STXBP5: variants seen among roughly 807,000 people sequenced by gnomAD.
STXBP5 encodes the protein syntaxin binding protein 5, also known as syntaxin-binding protein 5.
In STXBP5, 50 loss-of-function variants were observed where a neutral mutation model predicts 152.4. That is an observed-to-expected ratio of 0.33 (90% confidence interval 0.26 to 0.42). STXBP5 has a LOEUF of 0.42. STXBP5 is among the 10% of genes least tolerant of loss of function. The probability of loss-of-function intolerance (pLI) is 1.00; values close to 1 mark genes in which losing one functional copy is unlikely to be tolerated. For missense variants in STXBP5, 1,167 were observed against 1,388.6 expected, an observed-to-expected ratio of 0.84 and a Z score of 2.54; for synonymous variants, 492 against 494.7, an observed-to-expected ratio of 0.99 and a Z score of 0.07.
rs530602683 is a variant in STXBP5 at position 147,293,308 on chromosome 6, G to A, written c.917+2136G>A. On this transcript the variant is annotated intron_variant, in intron 9 of 27. Coordinates refer to ENST00000321680, the MANE Select transcript of STXBP5 (RefSeq NM_001127715.4). ...TCAGTAAGATCACCATTTTGTAACA[G>A]TGTTCTCTACTTTCTCAATTTCTTT... 3 of 152,266 alleles carry A rather than the reference G, an allele frequency of 2.0e-5. No homozygotes were observed. In the South Asian group the frequency reaches 6.2e-4, roughly 32 times the overall value. The allele number at this position is 152,266 out of a possible 1,614,324, so 9.4% of individuals were successfully genotyped here.
At chr6:147,205,368 G>A (rs1776486515) in intron 1 of STXBP5, among the ~76,000 whole-genome samples, 1 of 100,270 alleles carries the variant, frequency 1.0e-5, no homozygotes, top group African/African-American at 4.4e-5. Flanking sequence ...AATTAAAAGT[G>A]TGCATATATA....
At chr6:147,264,002 C>T (rs1779766377) in intron 6 of STXBP5, among the ~76,000 whole-genome samples, 1 of 151,336 alleles carries the variant, frequency 6.6e-6, no homozygotes, top group South Asian at 2.1e-4. Context: ...ATAAAAATAC[C>T]AACTGCTCAA....
At chr6:147,381,176 T>C (rs1488557663) in intron 26 of STXBP5, among the ~76,000 whole-genome samples, 1 of 152,078 alleles carries the variant, frequency 6.6e-6, no homozygotes, top group Non-Finnish European at 1.5e-5. Context: ...TTATGGGAGC[T>C]ACAATTCAAG....
Position 147,315,699 on chromosome 6 carries a change from A to G in STXBP5, c.1587A>G (p.Arg529=), listed in dbSNP as rs749076990. Residue 529 remains arginine (R), a synonymous_variant, in exon 15 of 28, where the codon AGA becomes AGG. Coordinates refer to ENST00000321680, the MANE Select transcript of STXBP5 (RefSeq NM_001127715.4). ...TTTCAGCTCATGTCATTATTTATAG[A>G]TTCAGCAAGCAGGAAGTAATCACAG... ...AGVSAHVIIY[R]FSKQEVITEV... 2.5e-6 allele frequency: 4 copies of G among 1,613,720 alleles called. No individual in the cohort carries two copies. Among genetic ancestry groups the G allele is most frequent in the South Asian group, 2.2e-5 (2 of 91,068 alleles).
At chr6:147,292,197 C>A in intron 9 of STXBP5, 1 of 440,968 alleles carries the variant, frequency 2.3e-6, no homozygotes, top group Admixed American at 2.5e-5. Context: ...GTAAAGGTAC[C>A]AGGCTAAAAT....
At chr6:147,284,258 C>T (rs1780845680) in intron 8 of STXBP5, among the ~76,000 whole-genome samples, 1 of 152,120 alleles carries the variant, frequency 6.6e-6, no homozygotes, top group South Asian at 2.1e-4. Context: ...AGACTGAGAA[C>T]ATAACTGCAG....
chr6:147,327,306 C>A, intron 18 of STXBP5, 30 bp downstream of exon 18: 2 of 1,589,052 alleles, frequency 1.3e-6, no homozygotes, highest in Non-Finnish European at 8.5e-7. Context: ...AAATTCTGAG[C>A]TTTAGGATTT....
intron 2 of STXBP5, among the ~76,000 whole-genome samples, chr6:147,213,477 T>TGTGTGTGTGCGCGCGCGCGCGCGCGCGC: frequency 1.4e-4 from 18 of 131,264 alleles, no homozygotes; most frequent in Non-Finnish European, 2.4e-4. Flanking sequence ...TGTGTGTGTG[T>TGTGTGTGTGCGCGCGCGCGCGCGCGCGC]GCGCGCGCAT....
Position 147,387,453 on chromosome 6 carries a change from G to GGAAGTGGGTTT in STXBP5, c.*2705_*2706insGTTTGAAGTGG, listed in dbSNP as rs1485362507. The stretch of plus-strand genomic sequence containing the variant: ...ATTCATGATTAGTAGTTTGTAAGTA[G>GGAAGTGGGTTT]GAAGTGGTTTTTCTGTATGTACCAT... On this transcript the variant is annotated 3_prime_UTR_variant, in exon 28 of 28. Coordinates refer to ENST00000321680, the MANE Select transcript of STXBP5 (RefSeq NM_001127715.4). 3.0e-4 allele frequency: 45 copies of GGAAGTGGGTTT among 151,672 alleles called. No homozygotes were observed. Among genetic ancestry groups the GGAAGTGGGTTT allele is most frequent in the Non-Finnish European group, 1.0e-4 (7 of 67,714 alleles). The allele number at this position is 151,672 out of a possible 1,614,324, so 9.4% of individuals were successfully genotyped here.
intron 2 of STXBP5, among the ~76,000 whole-genome samples, chr6:147,226,210 G>A (rs923861857): frequency 6.6e-5 from 10 of 152,084 alleles, no homozygotes; most frequent in African/African-American, 2.4e-4. Flanking sequence ...GGCTGAGACA[G>A]GAGGATCCCT....
chr6:147,359,889 CCTA>C (rs1412482721), intron 23 of STXBP5, among the ~76,000 whole-genome samples: 1 of 151,928 alleles, frequency 6.6e-6, no homozygotes, highest in East Asian at 1.9e-4. Context: ...GTTCCAGCAA[CCTA>C]CTCATCTGAC....
intron 18 of STXBP5, among the ~76,000 whole-genome samples, chr6:147,330,412 G>T (rs184784136): frequency 6.6e-6 from 1 of 152,162 alleles, no homozygotes; most frequent in Admixed American, 6.5e-5. Flanking sequence ...ATAATAAAGA[G>T]AAACTAAATC....
At chr6:147,340,150 T>G (rs1301054387) in intron 21 of STXBP5, among the ~76,000 whole-genome samples, 1 of 152,038 alleles carries the variant, frequency 6.6e-6, no homozygotes, top group Non-Finnish European at 1.5e-5. Context: ...TTGTATTATT[T>G]CCTCCCAAAA....
At chr6:147,251,054 G>A (rs1356930333) in intron 4 of STXBP5, among the ~76,000 whole-genome samples, 2 of 151,778 alleles carry the variant, frequency 1.3e-5, no homozygotes, top group African/African-American at 2.4e-5. Flanking sequence ...CAACACAGAA[G>A]GGAGGTGATT....
intron 4 of STXBP5, among the ~76,000 whole-genome samples, chr6:147,246,487 G>A (rs996037856): frequency 6.6e-6 from 1 of 151,938 alleles, no homozygotes; most frequent in African/African-American, 2.4e-5. Context: ...ATTATTCTCA[G>A]GGGTTAAGAA....
At chr6:147,337,948 T>C (rs1174475219) in intron 19 of STXBP5, among the ~76,000 whole-genome samples, 1 of 152,098 alleles carries the variant, frequency 6.6e-6, no homozygotes, top group African/African-American at 2.4e-5. Context: ...AGAAAAGCTG[T>C]CAAGGACATT....
intron 2 of STXBP5, among the ~76,000 whole-genome samples, chr6:147,209,058 T>C (rs1447978315): frequency 6.6e-6 from 1 of 152,138 alleles, no homozygotes; most frequent in Non-Finnish European, 1.5e-5. Flanking sequence ...TCTGATTTAC[T>C]ACTAAAATTT....
At chr6:147,328,871 CTA>C (rs1279585681) in intron 18 of STXBP5, 1 of 435,596 alleles carries the variant, frequency 2.3e-6, no homozygotes, top group African/African-American at 2.0e-5. Flanking sequence ...TTAAAACGTT[CTA>C]TGTCTAAAAC....
At chr6:147,341,096 G>C (rs1462233240) in intron 21 of STXBP5, among the ~76,000 whole-genome samples, 1 of 152,036 alleles carries the variant, frequency 6.6e-6, no homozygotes, top group Non-Finnish European at 1.5e-5. Flanking sequence ...TAAATCACAA[G>C]ATTTGGGTAT....
Sources: gnomAD v4.1 joint callset for allele counts (sites outside exome capture counted in the v4.1 genomes callset) on GRCh38, gnomAD v4.1.1 for gene constraint, MANE v1.5 for transcripts, NCBI Gene and HGNC (gene_info 2026-07-23, HGNC 2026-07-21) for gene names.